VWF: variants seen among roughly 807,000 people sequenced by gnomAD.
VWF encodes the protein von Willebrand factor, also known as Factor VIII related antigen.
Under a neutral mutation model 308.6 loss-of-function variants are expected in VWF, and 176 were observed. The ratio of observed to expected loss-of-function variants is 0.57; its 90% CI spans 0.50 to 0.65. The LOEUF (loss-of-function observed/expected upper bound fraction) is 0.65. Among genes scored for constraint, VWF ranks in the 30% least tolerant of loss-of-function variants. The pLI is 0.00. For synonymous variants in VWF, 1,385 were observed against 1,443.4 expected, an observed-to-expected ratio of 0.96 and a Z score of 0.92; for missense variants, 3,146 against 3,648.2, an observed-to-expected ratio of 0.86 and a Z score of 3.55.
Position 5,955,241 on chromosome 12 carries a change from A to G in VWF, c.7888-1647T>C, listed in dbSNP as rs569914595. Among the ~76,000 whole-genome samples, 12 of 151,682 alleles carry G rather than the reference A, an allele frequency of 7.9e-5. No homozygotes were observed. In the South Asian group the frequency reaches 2.5e-3, roughly 32 times the overall value. On this transcript the variant is annotated intron_variant, in intron 47 of 51. Coordinates refer to ENST00000261405, the MANE Select transcript of VWF (RefSeq NM_000552.5). ...GGAATTTTTTTTTTATTATACTTTA[A>G]GTTTTAGGGTACATGTGCACAATGT...
intron 5 of VWF, among the ~76,000 whole-genome samples, chr12:6,102,881 G>A (rs1263121788): frequency 6.6e-6 from 1 of 152,184 alleles, no homozygotes; most frequent in African/African-American, 2.4e-5. Context: ...ATTAGAAAAT[G>A]CAATCTTAAA....
chr12:5,991,897 A>C lies in VWF; in HGVS notation c.6720T>G (p.Asp2240Glu). 1 of 1,614,242 alleles carries C rather than the reference A, an allele frequency of 6.2e-7. No homozygotes were observed. The highest frequency in any genetic ancestry group is 2.2e-5 in the East Asian group (1 of 44,886). Residue 2240 changes from aspartate (D) to glutamate (E), a missense_variant, in exon 38 of 52, where the codon GAT (aspartate) becomes GAG (glutamate). Around this residue, in one of 3 missense-constraint regions of VWF, gnomAD observed 989 missense variants for 1,117.4 expected, o/e 0.89. Coordinates refer to ENST00000261405, the MANE Select transcript of VWF (RefSeq NM_000552.5). ...HPSEGCFCPP[D>E]KVMLEGSCVP... Reference sequence around the variant, plus strand: ...CACAGCTGCCTTCCAACATGACTTTATCTGGAGGGCAGAAACAGCCTTCGG... The same window carrying C: ...CACAGCTGCCTTCCAACATGACTTTCTCTGGAGGGCAGAAACAGCCTTCGG...
At chr12:6,050,372 T>C (rs936827340) in intron 16 of VWF, among the ~76,000 whole-genome samples, 2 of 152,134 alleles carry the variant, frequency 1.3e-5, no homozygotes, top group Non-Finnish European at 2.9e-5. Flanking sequence ...AACGTCAACA[T>C]TTTCCTGCAG....
intron 48 of VWF, among the ~76,000 whole-genome samples, chr12:5,952,839 C>T (rs1017342939): frequency 2.0e-5 from 3 of 152,230 alleles, no homozygotes; most frequent in African/African-American, 7.2e-5. Context: ...CTCCCAGCCC[C>T]ACCAGCTAGT....
intron 47 of VWF, among the ~76,000 whole-genome samples, chr12:5,963,249 A>G (rs183569158): frequency 1.3e-5 from 2 of 152,352 alleles, no homozygotes; most frequent in African/African-American, 4.8e-5. Context: ...TATCCAAAAT[A>G]CAGAAAAAAA....
At chr12:6,073,006 A>G (rs1944798323) in intron 8 of VWF, among the ~76,000 whole-genome samples, 1 of 152,050 alleles carries the variant, frequency 6.6e-6, no homozygotes, top group African/African-American at 2.4e-5. Flanking sequence ...AGCTGGGATT[A>G]TAGGTGTGCA....
chr12:5,951,905 A>C, intron 49 of VWF, 22 bp from the exon 50 acceptor site: 2 of 1,614,086 alleles, frequency 1.2e-6, no homozygotes, highest in Non-Finnish European at 1.7e-6. Context: ...GCAAAATTTC[A>C]GGTTAGGCAC....
intron 5 of VWF, among the ~76,000 whole-genome samples, chr12:6,098,714 C>G (rs1945130635): frequency 6.6e-6 from 1 of 151,514 alleles, no homozygotes; most frequent in Non-Finnish European, 1.5e-5. Flanking sequence ...GGGAGGCGGA[C>G]CTTGCAGTGA....
intron 15 of VWF, among the ~76,000 whole-genome samples, chr12:6,055,759 TATACACACAC>T (rs1168145033): frequency 6.0e-5 from 4 of 66,312 alleles, no homozygotes; most frequent in South Asian, 7.0e-4. Flanking sequence ...TATATATATG[TATACACACAC>T]ACACACACAC....
Position 6,075,363 on chromosome 12 carries a change from C to T in VWF, c.846G>A (p.Leu282=), listed in dbSNP as rs769278119. ...ARTCAQEGMV[L]YGWTDHSACS... ...ACGCGCTGTGGTCGGTCCAGCCGTA[C>T]AGCACCATTCCCTCCTGGGCACAGG... The change falls in exon 7 of 52, where the codon CTG becomes CTA. Residue 282 remains leucine (L), a synonymous_variant. Transcript: ENST00000261405. This position sits in a 1 kb window ranked among gnomAD's most constrained non-coding sequence, Gnocchi z 4.7. 5 of 1,614,030 alleles carry T rather than the reference C, an allele frequency of 3.1e-6. No individual in the cohort carries two copies. Among genetic ancestry groups the T allele is most frequent in the Non-Finnish European group, 4.2e-6 (5 of 1,180,038 alleles).
In VWF at chr12:6,024,553, G is replaced by A. The variant is rs1020837866; in HGVS notation, c.3223-766C>T. ...CTCAGAGACCGAAAATCACTGCATA[G>A]ATAGAAAGAGAATTGAGATCCATGT... On this transcript the variant is annotated intron_variant, in intron 24 of 51. Transcript: ENST00000261405. This position sits in a 1 kb window ranked among gnomAD's most constrained non-coding sequence, Gnocchi z 4.0. 1.3e-5 allele frequency among the ~76,000 whole-genome samples: 2 copies of A among 152,226 alleles called. No individual in the cohort carries two copies. Among genetic ancestry groups the A allele is most frequent in the African/African-American group, 4.8e-5 (2 of 41,454 alleles).
In VWF at chr12:6,058,960, G is replaced by T. The variant is rs111296335; in HGVS notation, c.1534-916C>A. On this transcript the variant is annotated intron_variant, in intron 13 of 51. Transcript: ENST00000261405. This position sits in a 1 kb window ranked among gnomAD's most constrained non-coding sequence, Gnocchi z 4.9. Reference sequence around the variant, plus strand: ...ACCCAGGAGTCCTGACTCCCTCTCCGCATGTCATTACCAAGGTGGGATGAC... The same window carrying T: ...ACCCAGGAGTCCTGACTCCCTCTCCTCATGTCATTACCAAGGTGGGATGAC... Among the ~76,000 whole-genome samples the T allele has an allele frequency of 6.6e-6, 1 of 152,100 alleles. No homozygotes were observed. Among genetic ancestry groups the T allele is most frequent in the Admixed American group, 6.5e-5 (1 of 15,268 alleles).
intron 42 of VWF, among the ~76,000 whole-genome samples, chr12:5,980,747 G>A (rs891342891): frequency 9.9e-5 from 15 of 152,242 alleles, no homozygotes; most frequent in African/African-American, 3.6e-4. Context: ...AAGCATTCCA[G>A]ACAAATAAAG....
At chr12:6,039,724 C>G (rs561737062) in intron 18 of VWF, among the ~76,000 whole-genome samples, 1 of 152,108 alleles carries the variant, frequency 6.6e-6, no homozygotes, top group South Asian at 2.1e-4. Flanking sequence ...AAATGTGCAA[C>G]GCCCACATGT....
intron 43 of VWF, among the ~76,000 whole-genome samples, chr12:5,975,491 G>A (rs185341952): frequency 6.6e-6 from 1 of 152,192 alleles, no homozygotes; most frequent in Admixed American, 6.5e-5. Flanking sequence ...GGAGCCTCAG[G>A]GGCAGCCACC....
At chr12:5,995,385 T>A (rs1279852665) in intron 35 of VWF, among the ~76,000 whole-genome samples, 1 of 152,226 alleles carries the variant, frequency 6.6e-6, no homozygotes, top group East Asian at 1.9e-4. Context: ...ATGACTAAGA[T>A]TTTTCTGCAA....
At chr12:6,073,841 T>C in intron 7 of VWF, 100 bp from the exon 8 acceptor site, 2 of 1,557,754 alleles carry the variant, frequency 1.3e-6, no homozygotes, top group African/African-American at 1.4e-5. Context: ...CCACTCTGAC[T>C]GCTCCCCTCT....
intron 42 of VWF, 74 bp downstream of exon 42, chr12:5,981,712 T>C (rs111722180): frequency 6.6e-7 from 1 of 1,505,814 alleles, no homozygotes; most frequent in South Asian, 1.1e-5. Flanking sequence ...GATGGGTGGA[T>C]AGAAGGATAA....
At chr12:5,990,421 C>T (rs1943725347) in intron 38 of VWF, among the ~76,000 whole-genome samples, 2 of 152,172 alleles carry the variant, frequency 1.3e-5, no homozygotes, top group Admixed American at 1.3e-4. Context: ...TGGCTTATAA[C>T]ATCAGGGACA....
Sources: allele counts gnomAD v4.1 joint callset (sites outside exome capture counted in the v4.1 genomes callset), GRCh38; gene constraint gnomAD v4.1.1; regional missense constraint gnomAD v4.1.1; non-coding constraint Gnocchi (gnomAD v3.1); transcripts MANE v1.5; gene names NCBI Gene and HGNC (gene_info 2026-07-23, HGNC 2026-07-21).